Variants in ATG10 observed in about 807,000 individuals in gnomAD.
ATG10 encodes the protein autophagy related 10, also known as ubiquitin-like-conjugating enzyme ATG10.
A neutral mutation model predicts 32.1 loss-of-function variants in ATG10; 30 were observed. The observed-to-expected ratio is 0.94, with a 90% CI of 0.70 to 1.27. ATG10 has a LOEUF of 1.27. Ranked by LOEUF, ATG10 falls within the 50% of genes most tolerant of loss-of-function variation. ATG10 has a pLI of 0.00. For synonymous variants in ATG10, 87 were observed against 91.5 expected (o/e 0.95, Z 0.28); for missense variants, 233 against 262.3 (o/e 0.89, Z 0.77).
At chr5:82,145,034 G>T (rs1767293086) in intron 3 of ATG10, among the ~76,000 whole-genome samples, 1 of 151,654 alleles carries the variant, frequency 6.6e-6, no homozygotes, top group African/African-American at 2.4e-5. Flanking sequence ...TCATTATGAA[G>T]TATCCCTGTT....
intron 3 of ATG10, among the ~76,000 whole-genome samples, chr5:82,152,637 C>A (rs1331478058): frequency 6.6e-6 from 1 of 152,172 alleles, no homozygotes; most frequent in Non-Finnish European, 1.5e-5. Context: ...AGGAGGGCTA[C>A]TTTCATTAGT....
intron 5 of ATG10, among the ~76,000 whole-genome samples, chr5:82,232,726 T>G (rs1746410778): frequency 6.6e-6 from 1 of 151,418 alleles, no homozygotes; most frequent in Non-Finnish European, 1.5e-5. Context: ...TGCTTTCTTT[T>G]CTCTTCTTGT....
At chr5:82,146,129 C>A (rs1419405306) in intron 3 of ATG10, among the ~76,000 whole-genome samples, 2 of 152,128 alleles carry the variant, frequency 1.3e-5, no homozygotes, top group East Asian at 1.9e-4. Context: ...TTCTATAGTA[C>A]AGGCCTGGTG....
At chr5:82,146,993 A>G (rs1767383815) in intron 3 of ATG10, among the ~76,000 whole-genome samples, 1 of 152,104 alleles carries the variant, frequency 6.6e-6, no homozygotes, top group Non-Finnish European at 1.5e-5. Flanking sequence ...TCTTGAGTAC[A>G]TTTTGGATAT....
intron 3 of ATG10, among the ~76,000 whole-genome samples, chr5:82,114,719 G>A (rs895314982): frequency 2.0e-5 from 3 of 151,976 alleles, no homozygotes; most frequent in Non-Finnish European, 4.4e-5. Context: ...CCAGTGATTC[G>A]GCATCTTCGG....
rs760274997 is a variant in ATG10, at chr5:82,164,556, C to G, written c.355+19C>G. Reference sequence around the variant, plus strand: ...TTTTTAGGTAAGAACATGTCTGAAGCTAAAAGTAAATTTATAACATTTACA... The same window carrying G: ...TTTTTAGGTAAGAACATGTCTGAAGGTAAAAGTAAATTTATAACATTTACA... On this transcript the variant is annotated intron_variant, in intron 4 of 7. Coordinates refer to ENST00000282185, the MANE Select transcript of ATG10 (RefSeq NM_031482.5). 2.5e-6 allele frequency: 4 copies of G among 1,580,474 alleles called. No homozygotes were observed. The highest frequency in any genetic ancestry group is 3.4e-6 in the Non-Finnish European group (4 of 1,162,460).
chr5:82,252,533 T>C (rs202216963), intron 5 of ATG10, 29 bp from the exon 6 acceptor site: 595 of 1,397,280 alleles, frequency 4.3e-4, no homozygotes, highest in South Asian at 6.4e-4. Flanking sequence ...TAACTCACAC[T>C]GATCCTGGAC....
intron 3 of ATG10, among the ~76,000 whole-genome samples, chr5:82,087,756 A>G (rs1237386783): frequency 6.6e-6 from 1 of 152,110 alleles, no homozygotes; most frequent in East Asian, 1.9e-4. Context: ...AGAGTGGTAC[A>G]GGGCTGATAT....
At position 82,021,608 on chromosome 5, in the gene ATG10, C is replaced by T. The variant is rs552747368; in HGVS notation, c.108+33930C>T. Among the ~76,000 whole-genome samples, 179 of 152,328 alleles carry T rather than the reference C, an allele frequency of 1.2e-3. 2 individuals carry two copies. Among genetic ancestry groups the T allele is most frequent in the Admixed American group, 2.3e-3 (35 of 15,302 alleles). ...GTTTAAAAATATTTTATCAGCCGGG[C>T]GTGGTGGCTCAAACCTGTAATCCCA... On this transcript the variant is annotated intron_variant, in intron 2 of 7. Transcript: ENST00000282185.
intron 5 of ATG10, among the ~76,000 whole-genome samples, chr5:82,194,739 A>G (rs1220873071): frequency 6.6e-6 from 1 of 152,194 alleles, no homozygotes; most frequent in Admixed American, 6.5e-5. Context: ...GTAGGGCCCA[A>G]AAAGAAGGTG....
chr5:82,015,340 A>G (rs1052012009), intron 2 of ATG10, among the ~76,000 whole-genome samples: 8 of 152,036 alleles, frequency 5.3e-5, no homozygotes, highest in Non-Finnish European at 8.8e-5. Context: ...TCTTTGTGGC[A>G]TTCTCTGTAT....
chr5:82,137,507 C>G (rs1317394665), intron 3 of ATG10, among the ~76,000 whole-genome samples: 1 of 152,164 alleles, frequency 6.6e-6, no homozygotes, highest in Non-Finnish European at 1.5e-5. Context: ...GCTGAGGGTC[C>G]ACTCCATACC....
intron 5 of ATG10, among the ~76,000 whole-genome samples, chr5:82,247,782 G>A (rs149069399): frequency 6.6e-6 from 1 of 152,072 alleles, no homozygotes; most frequent in African/African-American, 2.4e-5. Context: ...TTTCCTGAGG[G>A]TTGTCTTTTT....
intron 1 of ATG10, among the ~76,000 whole-genome samples, chr5:81,982,262 T>C (rs1164262130): frequency 6.6e-6 from 1 of 152,140 alleles, no homozygotes; most frequent in Non-Finnish European, 1.5e-5. Context: ...GCTCAGGAGT[T>C]CGCAACCAGC....
intron 2 of ATG10, among the ~76,000 whole-genome samples, chr5:81,993,817 A>G (rs1761579980): frequency 6.6e-6 from 1 of 152,170 alleles, no homozygotes; most frequent in Non-Finnish European, 1.5e-5. Context: ...AAATAATGCT[A>G]TAAATGAAGT....
At chr5:82,240,767 C>T (rs577741204) in intron 5 of ATG10, among the ~76,000 whole-genome samples, 1 of 152,062 alleles carries the variant, frequency 6.6e-6, no homozygotes, top group African/African-American at 2.4e-5. Flanking sequence ...ATCACAGGCA[C>T]CCCATAAATA....
chr5:82,107,392 A>C (rs1581696517), intron 3 of ATG10, among the ~76,000 whole-genome samples: 1 of 152,174 alleles, frequency 6.6e-6, no homozygotes, highest in East Asian at 1.9e-4. Flanking sequence ...TGTTTGCAGG[A>C]GATAAAGGGA....
At chr5:81,973,404 A>AGGG (rs1487046432) in intron 1 of ATG10, 8 of 152,230 alleles carry the variant, frequency 5.3e-5, no homozygotes, top group Non-Finnish European at 1.2e-4. Flanking sequence ...CTGGGATCAC[A>AGGG]GGCGTCAGCC....
intron 1 of ATG10, chr5:81,972,628 C>T (rs1408176349): frequency 2.0e-5 from 3 of 152,218 alleles, no homozygotes; most frequent in Non-Finnish European, 4.4e-5. Flanking sequence ...AATCCACATA[C>T]TGATAGCAAA....
Sources: allele counts gnomAD v4.1 joint callset (sites outside exome capture counted in the v4.1 genomes callset), GRCh38; gene constraint gnomAD v4.1.1; transcripts MANE v1.5; gene names NCBI Gene and HGNC (gene_info 2026-07-23, HGNC 2026-07-21).